The following ZC4H2 variants were observed in gnomAD, a reference collection of about 807,000 sequenced individuals.
ZC4H2 encodes the protein zinc finger C4H2-type containing, also known as zinc finger C4H2 domain-containing protein.
For synonymous variants in ZC4H2, 84 were observed against 66.3 expected (o/e 1.27, Z -1.30); for missense variants, 137 against 173.9 (o/e 0.79, Z 1.19).
chrX:64,999,397 T>C (rs1002793153), intron 1 of ZC4H2, among the ~76,000 whole-genome samples: 4 of 112,247 alleles, frequency 3.6e-5, no homozygotes, highest in African/African-American at 1.3e-4. Context: ...TGAAGAATTG[T>C]GCATTCCGGC....
intron 1 of ZC4H2, among the ~76,000 whole-genome samples, chrX:64,931,083 C>G (rs1453962398): frequency 5.4e-5 from 6 of 111,690 alleles, no homozygotes; most frequent in Admixed American, 4.8e-4. Context: ...CTGATTTAAT[C>G]TAGGAGGCTT....
At chrX:64,976,721 T>C (rs901570060), upstream of ZC4H2, among the ~76,000 whole-genome samples, 10 of 111,344 alleles carry the variant, frequency 9.0e-5, no homozygotes, top group African/African-American at 3.3e-4. Context: ...GAGAAAAAAA[T>C]ATTCCTGAAG....
At chrX:64,922,084 C>T (rs1929222467) in intron 1 of ZC4H2, 96 bp from the exon 2 acceptor site, 1 of 1,130,485 alleles carries the variant, frequency 8.8e-7, no homozygotes, top group Non-Finnish European at 1.2e-6. Flanking sequence ...TTACAAGCTT[C>T]CCCCTCTCCA....
chrX:64,952,121 C>T (rs1370390780), intron 1 of ZC4H2, among the ~76,000 whole-genome samples: 3 of 110,417 alleles, frequency 2.7e-5, no homozygotes, highest in South Asian at 7.7e-4. Context: ...AGACATGTGG[C>T]GTTATTTCTG....
upstream of ZC4H2, among the ~76,000 whole-genome samples, chrX:64,978,563 C>A (rs1050048248): frequency 1.8e-5 from 2 of 111,586 alleles, no homozygotes; most frequent in Non-Finnish European, 3.8e-5. Flanking sequence ...TCTATCATTT[C>A]ATCCTCACAA....
At position 64,917,686 on chromosome X, in the gene ZC4H2, G is replaced by A. The variant is rs193237726; in HGVS notation, c.*97C>T. 1,777 of 1,115,830 alleles carry A rather than the reference G, an allele frequency of 1.6e-3. 1 individual carries two copies. The highest frequency in any genetic ancestry group is 4.3e-3 in the South Asian group (209 of 48,383). The allele number at this position is 1,115,830 out of a possible 1,213,427, so 92.0% of individuals were successfully genotyped here. On this transcript the variant is annotated 3_prime_UTR_variant, in exon 5 of 5. Transcript: ENST00000374839. ...TCCATCACATTAAATAGGAGACTTC[G>A]TGGGGTTGGGCAAGGGTTGTTTCAC...
chrX:64,989,748 T>C (rs1237825713), intron 1 of ZC4H2, among the ~76,000 whole-genome samples: 1 of 111,834 alleles, frequency 8.9e-6, no homozygotes, highest in African/African-American at 3.3e-5. Flanking sequence ...ACTGAAGAGG[T>C]TATACAGATG....
chrX:64,923,763 T>C (rs1315499108), intron 1 of ZC4H2, among the ~76,000 whole-genome samples: 1 of 107,559 alleles, frequency 9.3e-6, no homozygotes, highest in Non-Finnish European at 1.9e-5. Context: ...TTGAGTGAGG[T>C]TCAGGGTGGT....
At chrX:65,005,085 T>C (rs1932628644) in intron 1 of ZC4H2, among the ~76,000 whole-genome samples, 1 of 111,524 alleles carries the variant, frequency 9.0e-6, no homozygotes, top group Non-Finnish European at 1.9e-5. Flanking sequence ...TAAGAGAGGA[T>C]ACAAACAAAT....
At chrX:65,017,280 C>T (rs971007990) in intron 1 of ZC4H2, among the ~76,000 whole-genome samples, 1 of 111,787 alleles carries the variant, frequency 8.9e-6, no homozygotes, top group African/African-American at 3.3e-5. Context: ...TTTTGTTTAT[C>T]CTCCTAGGAC....
intron 1 of ZC4H2, among the ~76,000 whole-genome samples, chrX:65,025,747 C>T (rs1932873572): frequency 8.9e-6 from 1 of 112,420 alleles, no homozygotes; most frequent in African/African-American, 3.2e-5. Flanking sequence ...GGATCTCTTA[C>T]TTCAGGAGAG....
chrX:64,962,242 G>A (rs1931423780), intron 1 of ZC4H2, among the ~76,000 whole-genome samples: 1 of 111,724 alleles, frequency 9.0e-6, no homozygotes, highest in Non-Finnish European at 1.9e-5. Context: ...CCTGTGATGT[G>A]AGGAGAGATC....
intron 1 of ZC4H2, among the ~76,000 whole-genome samples, chrX:64,961,616 T>A (rs867733986): frequency 1.8e-5 from 2 of 108,396 alleles, no homozygotes; most frequent in Admixed American, 9.9e-5. Context: ...AGAATCAAAT[T>A]TTTTTAATGC....
intron 1 of ZC4H2, among the ~76,000 whole-genome samples, chrX:64,984,648 G>C (rs1932144904): frequency 9.0e-6 from 1 of 111,464 alleles, no homozygotes; most frequent in Non-Finnish European, 1.9e-5. Flanking sequence ...ATCTATAGGA[G>C]CAACTGGGGA....
chrX:64,945,394 G>A (rs1055349130), intron 1 of ZC4H2, among the ~76,000 whole-genome samples: 1 of 111,445 alleles, frequency 9.0e-6, no homozygotes, highest in Admixed American at 9.5e-5. Context: ...TATTAGCCTG[G>A]GTATCACCAG....
At chrX:64,924,128 C>T (rs1929326484) in intron 1 of ZC4H2, among the ~76,000 whole-genome samples, 2 of 111,702 alleles carry the variant, frequency 1.8e-5, no homozygotes, top group Non-Finnish European at 3.8e-5. Flanking sequence ...TATAGTGTCT[C>T]ACCCTAAGTG....
At chrX:64,950,013 C>A (rs1262516911) in intron 1 of ZC4H2, among the ~76,000 whole-genome samples, 1 of 111,981 alleles carries the variant, frequency 8.9e-6, no homozygotes, top group African/African-American at 3.2e-5. Context: ...CTACACACTG[C>A]TTTAAATGTG....
rs145882231 is a variant in ZC4H2, at chrX:64,933,088, G to A, written c.54-11100C>T. Among the ~76,000 whole-genome samples, 62 of 111,110 alleles carry A rather than the reference G, an allele frequency of 5.6e-4. No homozygotes were observed. The East Asian group carries it at 0.015, about 27-fold the overall frequency. On this transcript the variant is annotated intron_variant, in intron 1 of 4. Transcript: ENST00000374839. ...TTTTTATTTGTATTTGTCTGTTTGG[G>A]TTATTTCGAAAGTCTTGTCTTCAAG...
intron 1 of ZC4H2, among the ~76,000 whole-genome samples, chrX:64,941,892 A>C (rs1186324627): frequency 1.8e-5 from 2 of 112,056 alleles, no homozygotes; most frequent in African/African-American, 6.5e-5. Flanking sequence ...GTATCAGAAT[A>C]ATGCTGGCCT....
Sources: gnomAD v4.1 joint callset for allele counts (sites outside exome capture counted in the v4.1 genomes callset) on GRCh38, gnomAD v4.1.1 for gene constraint, MANE v1.5 for transcripts, NCBI Gene and HGNC (gene_info 2026-07-23, HGNC 2026-07-21) for gene names.